NUCB2: variants seen among roughly 807,000 people sequenced by gnomAD.
NUCB2 encodes nucleobindin 2, also known as nucleobindin-2.
A neutral mutation model predicts 57.9 loss-of-function variants in NUCB2; 48 were observed. The ratio of observed to expected loss-of-function variants is 0.83; its 90% CI spans 0.66 to 1.05. The LOEUF (loss-of-function observed/expected upper bound fraction) is 1.05. Ranked by LOEUF, NUCB2 falls within the 50% of genes least tolerant of loss-of-function variation. The pLI is 0.00. For missense variants in NUCB2, 442 were observed against 476.2 expected (o/e 0.93, Z 0.67); for synonymous variants, 139 against 152.1 (o/e 0.91, Z 0.64).
chr11:17,334,713 C>T (rs538797633), downstream of NUCB2, among the ~76,000 whole-genome samples: 198 of 152,222 alleles, frequency 1.3e-3, 1 homozygote, highest in African/African-American at 4.6e-3. Flanking sequence ...TGGTGAAACC[C>T]CATCTCTACT....
intron 11 of NUCB2, among the ~76,000 whole-genome samples, chr11:17,323,645 G>C (rs1039238968): frequency 2.0e-5 from 3 of 152,158 alleles, no homozygotes; most frequent in Admixed American, 2.0e-4. Flanking sequence ...AGTAGGATTG[G>C]CATCAGTTTT....
chr11:17,277,074 T>C (rs1941477279), intron 1 of NUCB2: 1 of 152,346 alleles, frequency 6.6e-6, no homozygotes, highest in Non-Finnish European at 1.5e-5. Context: ...GGTGGCTGGC[T>C]CTTGGCGGGG....
intron 2 of NUCB2, among the ~76,000 whole-genome samples, chr11:17,346,698 C>A (rs1227770169): frequency 6.6e-6 from 1 of 152,096 alleles, no homozygotes; most frequent in Non-Finnish European, 1.5e-5. Flanking sequence ...ATAAAGAATT[C>A]CCATATGCCC....
chr11:17,291,997 T>C (rs754663866), intron 2 of NUCB2, among the ~76,000 whole-genome samples: 2 of 152,174 alleles, frequency 1.3e-5, no homozygotes, highest in Non-Finnish European at 2.9e-5. Flanking sequence ...TTTAAATGAA[T>C]GGTGTGAATA....
At chr11:17,301,943 A>G (rs925805848) in intron 5 of NUCB2, 73 bp downstream of exon 5, 18 of 1,306,560 alleles carry the variant, frequency 1.4e-5, no homozygotes, top group African/African-American at 8.9e-5. Flanking sequence ...CCTGTGGTTC[A>G]GGCTGGAGTG....
At chr11:17,289,428 C>T (rs1944552608) in intron 2 of NUCB2, among the ~76,000 whole-genome samples, 1 of 152,116 alleles carries the variant, frequency 6.6e-6, no homozygotes, top group Non-Finnish European at 1.5e-5. Flanking sequence ...TGATGAAGAC[C>T]TGGAGGGCTG....
Position 17,332,109 on chromosome 11 carries a change from A to G in NUCB2, c.*690A>G, listed in dbSNP as rs1303299301. 1 of 152,204 alleles carries G rather than the reference A, an allele frequency of 6.6e-6. No individual in the cohort carries two copies. Among genetic ancestry groups the G allele is most frequent in the East Asian group, 1.9e-4 (1 of 5,184 alleles). 9.4% of individuals were successfully genotyped at this position (152,204 alleles called of 1,614,324 possible). On this transcript the variant is annotated 3_prime_UTR_variant, in exon 14 of 14. Transcript: ENST00000529010. ...GTTTTTCTTCTTACATAAGTCTAGA[A>G]GTAGGTGGTGTCCAGGTTCCTATCT...
At position 17,330,387 on chromosome 11, in the gene NUCB2, T is replaced by C. The variant is rs899021517; in HGVS notation, c.1173+90T>C. On this transcript the variant is annotated intron_variant, in intron 12 of 13. Transcript: ENST00000529010. This position sits in a 1 kb window ranked among gnomAD's most constrained non-coding sequence, Gnocchi z 4.3. Reference sequence around the variant, plus strand: ...TTTTGTAACATATTTCATTGTACTATATAGTACACTGCTATAGCTATACTA... The same window carrying C: ...TTTTGTAACATATTTCATTGTACTACATAGTACACTGCTATAGCTATACTA... The C allele has an allele frequency of 1.2e-6, 1 of 837,526 alleles. No individual in the cohort carries two copies. Among genetic ancestry groups the C allele is most frequent in the Admixed American group, 2.6e-5 (1 of 38,098 alleles). 51.9% of individuals were successfully genotyped at this position (837,526 alleles called of 1,614,324 possible).
intron 4 of NUCB2, among the ~76,000 whole-genome samples, chr11:17,299,679 G>A (rs1946380807): frequency 6.6e-6 from 1 of 152,086 alleles, no homozygotes; most frequent in Admixed American, 6.5e-5. Context: ...TGAGGTGGGT[G>A]GATTGCTTGA....
chr11:17,282,244 A>ATCTATCTGTC (rs1555062099), intron 1 of NUCB2, among the ~76,000 whole-genome samples: 7 of 102,410 alleles, frequency 6.8e-5, no homozygotes, highest in African/African-American at 3.0e-4. Flanking sequence ...ATCTATATAT[A>ATCTATCTGTC]TATATATATA....
chr11:17,321,897 C>G (rs192565289), intron 11 of NUCB2, among the ~76,000 whole-genome samples: 7 of 152,126 alleles, frequency 4.6e-5, no homozygotes, highest in Admixed American at 3.3e-4. Context: ...TGTCTTCTTT[C>G]GAGAAATGTC....
intron 2 of NUCB2, among the ~76,000 whole-genome samples, chr11:17,347,706 G>A (rs1952857226): frequency 6.6e-6 from 1 of 152,134 alleles, no homozygotes; most frequent in Non-Finnish European, 1.5e-5. Context: ...GTTGGATTTT[G>A]TTGTAAGGTC....
chr11:17,345,307 G>A (rs1284159842), intron 2 of NUCB2, among the ~76,000 whole-genome samples: 1 of 151,732 alleles, frequency 6.6e-6, no homozygotes, highest in Non-Finnish European at 1.5e-5. Context: ...TAAGAATGAT[G>A]GTTTACATAT....
At position 17,288,882 on chromosome 11, in the gene NUCB2, T is replaced by TACACACACACACACACACACACAC. The variant is rs1167995024; in HGVS notation, c.-1+5985_-1+6008dup. ...TAAAGTCTATTTAATAACATGTATA[T>TACACACACACACACACACACACAC]ACACACACACACACACACACACACA... On this transcript the variant is annotated intron_variant, in intron 2 of 13. Transcript: ENST00000529010. Among the ~76,000 whole-genome samples the TACACACACACACACACACACACAC allele has an allele frequency of 6.9e-4, 31 of 44,654 alleles. 1 individual carries two copies. Among genetic ancestry groups the TACACACACACACACACACACACAC allele is most frequent in the Non-Finnish European group, 1.1e-3 (28 of 24,900 alleles). 29.3% of individuals were successfully genotyped at this position (44,654 alleles called of 152,430 possible).
chr11:17,326,157 T>G (rs1950635976), intron 11 of NUCB2, among the ~76,000 whole-genome samples: 3 of 151,586 alleles, frequency 2.0e-5, no homozygotes, highest in Admixed American at 2.0e-4. Flanking sequence ...TGCACCACCA[T>G]GCCCAGCTAA....
intron 11 of NUCB2, among the ~76,000 whole-genome samples, chr11:17,316,088 C>T (rs958222281): frequency 6.6e-6 from 1 of 152,118 alleles, no homozygotes; most frequent in African/African-American, 2.4e-5. Context: ...TTCTCTGCCT[C>T]AGCCTCCTGA....
At chr11:17,329,656 A>G (rs10832763) in intron 11 of NUCB2, among the ~76,000 whole-genome samples, 45,551 of 152,090 alleles carry the variant, frequency 0.3, 7,586 homozygotes, top group East Asian at 0.52. Context: ...GCCACGAGGG[A>G]ATGGGAGAGA....
intron 2 of NUCB2, among the ~76,000 whole-genome samples, chr11:17,344,153 C>T (rs764809961): frequency 2.4e-4 from 36 of 152,108 alleles, no homozygotes; most frequent in Non-Finnish European, 4.6e-4. Flanking sequence ...GGGGCAAATA[C>T]GTAGCAGTCA....
intron 2 of NUCB2, among the ~76,000 whole-genome samples, chr11:17,288,497 G>T (rs1182832419): frequency 6.6e-6 from 1 of 150,538 alleles, no homozygotes; most frequent in Admixed American, 6.6e-5. Flanking sequence ...CCAGCCCAAT[G>T]GAATCTTAAA....
Sources: allele counts gnomAD v4.1 joint callset (sites outside exome capture counted in the v4.1 genomes callset), GRCh38; gene constraint gnomAD v4.1.1; non-coding constraint Gnocchi (gnomAD v3.1); transcripts MANE v1.5; gene names NCBI Gene and HGNC (gene_info 2026-07-23, HGNC 2026-07-21).